Variants in AGAP1 observed in about 807,000 individuals in gnomAD.
AGAP1 encodes arf-GAP with GTPase, ANK repeat and PH domain-containing protein 1.
In AGAP1, 29 loss-of-function variants were observed where a neutral mutation model predicts 105.3. The observed-to-expected ratio is 0.28, with a 90% confidence interval of 0.21 to 0.38. The LOEUF is 0.38. AGAP1 is among the 10% of genes least tolerant of loss of function. AGAP1 has a pLI of 1.00. For synonymous variants in AGAP1, 509 were observed against 485.9 expected (o/e 1.05, Z -0.63); for missense variants, 998 against 1,165.1 (o/e 0.86, Z 2.09).
intron 1 of AGAP1, among the ~76,000 whole-genome samples, chr2:235,508,183 C>G (rs575998618): frequency 6.6e-6 from 1 of 152,186 alleles, no homozygotes; most frequent in Non-Finnish European, 1.5e-5. Context: ...TTCAGCCCAT[C>G]GATGGGCATT....
intron 1 of AGAP1, among the ~76,000 whole-genome samples, chr2:235,602,218 C>T (rs189620642): frequency 2.8e-4 from 43 of 152,284 alleles, no homozygotes; most frequent in Admixed American, 9.8e-4. Flanking sequence ...CATATTTCAG[C>T]GAGCACAAAT....
At chr2:235,746,377 CTTTTTTTTTTTTTTTTTTTTTTTTTT>C (rs1172393048) in intron 5 of AGAP1, among the ~76,000 whole-genome samples, 4 of 55,564 alleles carry the variant, frequency 7.2e-5, no homozygotes, top group South Asian at 2.3e-3. Flanking sequence ...CCTCCCCCAA[CTTTTTTTTTTTTTTTTTTTTTTTTTT>C]TTTTTTTTAA....
rs1268369565 is a variant in AGAP1 at position 235,904,645 on chromosome 2, C to T, written c.1156-4093C>T. On this transcript the variant is annotated intron_variant, in intron 10 of 17. Transcript: ENST00000304032. This position sits in a 1 kb window ranked among gnomAD's most constrained non-coding sequence, Gnocchi z 4.2. ...AATCAAGCTTCCTGTCTTAATTTTACCGAGGTCCCTAACTCAGACCCGTGA... is the reference window on the plus strand; with the variant it reads ...AATCAAGCTTCCTGTCTTAATTTTATCGAGGTCCCTAACTCAGACCCGTGA... Among the ~76,000 whole-genome samples, 2 of 152,190 alleles carry T rather than the reference C, an allele frequency of 1.3e-5. No individual in the cohort carries two copies. Among genetic ancestry groups the T allele is most frequent in the Non-Finnish European group, 2.9e-5 (2 of 68,044 alleles).
chr2:235,528,359 C>T (rs1396644242), intron 1 of AGAP1, among the ~76,000 whole-genome samples: 4 of 141,394 alleles, frequency 2.8e-5, no homozygotes, highest in Admixed American at 7.0e-5. Flanking sequence ...CCCTCCCCCT[C>T]CCCCGCCCCC....
rs2054879862 is a variant in AGAP1, at chr2:235,976,806, C to T, written c.1645+8183C>T. Among the ~76,000 whole-genome samples, 1 of 152,052 alleles carries T rather than the reference C, an allele frequency of 6.6e-6. No individual in the cohort carries two copies. ...CCAAAGGGGAGTAGACACTCACACA[C>T]GTTGTATAGACAACGAAATATCTGC... On this transcript the variant is annotated intron_variant, in intron 13 of 17. Coordinates refer to ENST00000304032, the MANE Select transcript of AGAP1 (RefSeq NM_001037131.3). This position sits in a 1 kb window ranked among gnomAD's most constrained non-coding sequence, Gnocchi z 4.5.
rs61257818 is a variant in AGAP1 at position 235,867,536 on chromosome 2, AGTGTGT to A, written c.1051-15775_1051-15770del. Among the ~76,000 whole-genome samples, 657 of 123,322 alleles carry A rather than the reference AGTGTGT, an allele frequency of 5.3e-3. 7 individuals are homozygous for A. The highest frequency in any genetic ancestry group is 5.1e-3 in the Non-Finnish European group (291 of 57,412). The allele number at this position is 123,322 out of a possible 152,430, so 80.9% of individuals were successfully genotyped here. The stretch of plus-strand genomic sequence containing the variant: ...ATCATACACCTTATGCTGGTGCTGC[AGTGTGT>A]GTGTGTGTGTGTGTGTGTGTGTGTG... On this transcript the variant is annotated intron_variant, in intron 9 of 17. Transcript: ENST00000304032. The surrounding 1 kb of genome is among the most constrained non-coding windows in gnomAD (Gnocchi z 5.4).
rs552557309 is a variant in AGAP1 at position 235,845,547 on chromosome 2, C to T, written c.1051-37798C>T. Among the ~76,000 whole-genome samples the T allele has an allele frequency of 4.6e-5, 7 of 152,126 alleles. No homozygotes were observed. The highest frequency in any genetic ancestry group is 2.1e-4 in the South Asian group (1 of 4,810). On this transcript the variant is annotated intron_variant, in intron 9 of 17. Transcript: ENST00000304032. The surrounding 1 kb of genome is among the most constrained non-coding windows in gnomAD (Gnocchi z 4.8). ...ACTATCCACCGACAGCCCAGCCGGT[C>T]GACAGCAGACCTTTCCTTCCAGTTA... is the stretch of plus-strand genomic sequence containing the variant.
At chr2:235,812,280 G>C (rs1024661761) in intron 9 of AGAP1, among the ~76,000 whole-genome samples, 1 of 152,222 alleles carries the variant, frequency 6.6e-6, no homozygotes, top group Non-Finnish European at 1.5e-5. Flanking sequence ...CGTGGGAAAA[G>C]CCTTCCCAAG....
At chr2:236,028,397 G>C (rs1176755872) in intron 13 of AGAP1, among the ~76,000 whole-genome samples, 1 of 152,052 alleles carries the variant, frequency 6.6e-6, no homozygotes, top group Non-Finnish European at 1.5e-5. Flanking sequence ...GATACCAAGT[G>C]GTCCTTTATG....
chr2:235,561,218 C>T (rs1334367743), intron 1 of AGAP1, among the ~76,000 whole-genome samples: 2 of 152,198 alleles, frequency 1.3e-5, no homozygotes, highest in African/African-American at 2.4e-5. Context: ...GAATTGTCCA[C>T]AGACCTAGTC....
At chr2:235,641,592 T>G (rs1052169830) in intron 1 of AGAP1, among the ~76,000 whole-genome samples, 4 of 152,240 alleles carry the variant, frequency 2.6e-5, no homozygotes, top group African/African-American at 9.6e-5. Context: ...GCTGTGCCTC[T>G]CACTCAGAAC....
chr2:235,853,055 A>G lies in AGAP1; in HGVS notation c.1051-30290A>G, dbSNP rs1156497469. On this transcript the variant is annotated intron_variant, in intron 9 of 17. Coordinates refer to ENST00000304032, the MANE Select transcript of AGAP1 (RefSeq NM_001037131.3). ...AGACCCCTTAATTTCTATAGCGGGC[A>G]ATTCAGTCCACAAAGGAAGGAAATC... 5.7e-6 allele frequency: 7 copies of G among 1,238,330 alleles called. No individual in the cohort carries two copies. In the South Asian group the frequency reaches 2.5e-4, roughly 45 times the overall value. The allele number at this position is 1,238,330 out of a possible 1,614,324, so 76.7% of individuals were successfully genotyped here.
chr2:235,845,616 C>T lies in AGAP1; in HGVS notation c.1051-37729C>T, dbSNP rs1275908342. Among the ~76,000 whole-genome samples, 5 of 144,116 alleles carry T rather than the reference C, an allele frequency of 3.5e-5. No homozygotes were observed. The highest frequency in any genetic ancestry group is 6.1e-5 in the Non-Finnish European group (4 of 65,344). 94.5% of individuals were successfully genotyped at this position (144,116 alleles called of 152,430 possible). A position where few individuals can be genotyped will look rare whatever the true frequency, so the allele number is the denominator to read the frequency against. ...TTCCTTTCCTGACCCCCCCCCCGAT[C>T]TGCTTTTTAATTTCTCAGTGTATGT... On this transcript the variant is annotated intron_variant, in intron 9 of 17. Coordinates refer to ENST00000304032, the MANE Select transcript of AGAP1 (RefSeq NM_001037131.3). The surrounding 1 kb of genome is among the most constrained non-coding windows in gnomAD (Gnocchi z 4.8).
At chr2:235,841,017 A>G (rs191555354) in intron 9 of AGAP1, among the ~76,000 whole-genome samples, 7 of 152,142 alleles carry the variant, frequency 4.6e-5, no homozygotes, top group Non-Finnish European at 8.8e-5. Context: ...TGCCTTTTGA[A>G]AGAGGGAGAT....
rs375110513 is a variant in AGAP1 at position 235,867,572 on chromosome 2, T to TGTGTGTGCGTGC, written c.1051-15770_1051-15769insTGTGCGTGCGTG. ...GTGTGTGTGTGTGTGTGTGTGTGTG[T>TGTGTGTGCGTGC]GTGCAAGTGAGGGAGGGTGACCCCC... On this transcript the variant is annotated intron_variant, in intron 9 of 17. Transcript: ENST00000304032. The surrounding 1 kb of genome is among the most constrained non-coding windows in gnomAD (Gnocchi z 5.4). Among the ~76,000 whole-genome samples the TGTGTGTGCGTGC allele has an allele frequency of 6.7e-6, 1 of 148,370 alleles. No homozygotes were observed. Among genetic ancestry groups the TGTGTGTGCGTGC allele is most frequent in the Non-Finnish European group, 1.5e-5 (1 of 67,064 alleles).
At chr2:236,060,522 C>A (rs1352500811) in intron 16 of AGAP1, among the ~76,000 whole-genome samples, 2 of 151,936 alleles carry the variant, frequency 1.3e-5, no homozygotes, top group East Asian at 3.9e-4. Flanking sequence ...TACCCCATCT[C>A]TATAAAAAAT....
In AGAP1 at chr2:235,556,709, A is replaced by C. The variant is rs573958914; in HGVS notation, c.163+61860A>C. On this transcript the variant is annotated intron_variant, in intron 1 of 17. Transcript: ENST00000304032. This position sits in a 1 kb window ranked among gnomAD's most constrained non-coding sequence, Gnocchi z 5.3. ...GAATGTAAGATAGTTATATGTGTCT[A>C]CTGCCTTAGAAAGTACAGTAAGATG... 6.6e-6 allele frequency among the ~76,000 whole-genome samples: 1 copy of C among 152,352 alleles called. No homozygotes were observed.
rs1946109034 is a variant in AGAP1, at chr2:235,611,041, G to A, written c.164-98138G>A. On this transcript the variant is annotated intron_variant, in intron 1 of 17. Transcript: ENST00000304032. This position sits in a 1 kb window ranked among gnomAD's most constrained non-coding sequence, Gnocchi z 5.0. ...CATGACCTCCGGAAGCCTGCCAGCC[G>A]CCTGCCTGCAACCCCATAGCCGAGT... 6.6e-6 allele frequency among the ~76,000 whole-genome samples: 1 copy of A among 152,112 alleles called. No homozygotes were observed. Among genetic ancestry groups the A allele is most frequent in the Non-Finnish European group, 1.5e-5 (1 of 68,026 alleles).
chr2:235,696,760 G>A (rs923169119), intron 1 of AGAP1, among the ~76,000 whole-genome samples: 10 of 152,076 alleles, frequency 6.6e-5, no homozygotes, highest in Non-Finnish European at 1.5e-4. Flanking sequence ...CTCTCAGAAT[G>A]AGCCCCGTCC....
Sources: allele counts gnomAD v4.1 joint callset (sites outside exome capture counted in the v4.1 genomes callset), GRCh38; gene constraint gnomAD v4.1.1; non-coding constraint Gnocchi (gnomAD v3.1); transcripts MANE v1.5; gene names NCBI Gene and HGNC (gene_info 2026-07-23, HGNC 2026-07-21).